ST8SIA6: variants seen among roughly 807,000 people sequenced by gnomAD.
The protein encoded by ST8SIA6 is alpha-2,8-sialyltransferase 8F.
In ST8SIA6, 39 loss-of-function variants were observed where a neutral mutation model predicts 33.6. That is an observed-to-expected ratio of 1.16 (90% CI 0.90 to 1.52). The LOEUF (loss-of-function observed/expected upper bound fraction) is 1.52, where lower values mean the gene tolerates loss of function less well. ST8SIA6 is among the 40% of genes most tolerant of loss of function. ST8SIA6 has a pLI of 0.00. For missense variants in ST8SIA6, 441 were observed against 443.8 expected, an observed-to-expected ratio of 0.99 and a Z score of 0.06; for synonymous variants, 172 against 167.2, an observed-to-expected ratio of 1.03 and a Z score of -0.22.
rs1847790258 is a variant in ST8SIA6 at position 17,316,777 on chromosome 10, T to G, written c.*4101A>C. 6.6e-6 allele frequency among the ~76,000 whole-genome samples: 1 copy of G among 152,162 alleles called. No individual in the cohort carries two copies. Among genetic ancestry groups the G allele is most frequent in the East Asian group, 1.9e-4 (1 of 5,202 alleles). ...TTCCCCTTTGTAAATCACATTCTTA[T>G]CTTTTGTTCATTTTTATATTGAGTT... is the stretch of plus-strand genomic sequence containing the variant. On this transcript the variant is annotated 3_prime_UTR_variant, in exon 8 of 8. Transcript: ENST00000377602.
rs974674811 is a variant in ST8SIA6 at position 17,454,231 on chromosome 10, C to A, written c.25G>T (p.Ala9Ser). The part of the protein sequence containing the change: MRPGGALL[A>S]LLASLLLLLL... ...AGCAGCAGCAGGCTGGCGAGCAGGG[C>A]GAGCAGTGCGCCCCCCGGCCGCATC... is the stretch of plus-strand genomic sequence containing the variant. Residue 9 changes from alanine (A) to serine (S), a missense_variant, in exon 1 of 8, where the codon GCC (alanine) becomes TCC (serine). Transcript: ENST00000377602. The surrounding 1 kb of genome is among the most constrained non-coding windows in gnomAD (Gnocchi z 4.1). 7.8e-6 allele frequency: 2 copies of A among 257,090 alleles called. No individual in the cohort carries two copies. The highest frequency in any genetic ancestry group is 8.0e-5 in the East Asian group (1 of 12,506). The allele number at this position is 257,090 out of a possible 1,614,324, so 15.9% of individuals were successfully genotyped here. A position where few individuals can be genotyped will look rare whatever the true frequency, so the allele number is the denominator to read the frequency against.
chr10:17,404,842 C>G (rs1475776201), intron 2 of ST8SIA6, among the ~76,000 whole-genome samples: 2 of 152,210 alleles, frequency 1.3e-5, no homozygotes, highest in Non-Finnish European at 2.9e-5. Flanking sequence ...TTCTGCCATA[C>G]TGTTTTAACG....
At chr10:17,369,190 A>G (rs1849655750) in intron 3 of ST8SIA6, among the ~76,000 whole-genome samples, 1 of 152,196 alleles carries the variant, frequency 6.6e-6, no homozygotes, top group Admixed American at 6.5e-5. Context: ...AGTCAATTTT[A>G]CAACATTTTA....
chr10:17,380,133 G>C (rs1350986281), intron 3 of ST8SIA6, among the ~76,000 whole-genome samples: 3 of 152,158 alleles, frequency 2.0e-5, no homozygotes, highest in Non-Finnish European at 2.9e-5. Flanking sequence ...AAGTTTTCCT[G>C]CTTCCATGTC....
At chr10:17,432,356 G>A (rs772084885) in intron 2 of ST8SIA6, among the ~76,000 whole-genome samples, 4 of 152,122 alleles carry the variant, frequency 2.6e-5, no homozygotes, top group Admixed American at 6.6e-5. Context: ...TTCTGGAAGG[G>A]GACACTAGTT....
At chr10:17,411,934 C>G (rs972899830) in intron 2 of ST8SIA6, among the ~76,000 whole-genome samples, 29 of 143,358 alleles carry the variant, frequency 2.0e-4, no homozygotes, top group African/African-American at 6.5e-4. Context: ...TTTTTTTTTT[C>G]TGCCCTCACT....
At position 17,437,660 on chromosome 10, in the gene ST8SIA6, TC is replaced by T. The variant is rs1852321965; in HGVS notation, c.200+15898del. ...TTCCTTCCTTCCTTCCTTCCTTCCT[TC>T]CTTCTGTCTCTCTTTCTCTTTCTCT... On this transcript the variant is annotated intron_variant, in intron 2 of 7. Coordinates refer to ENST00000377602, the MANE Select transcript of ST8SIA6 (RefSeq NM_001004470.3). Among the ~76,000 whole-genome samples the T allele has an allele frequency of 2.7e-5, 3 of 111,860 alleles. No individual in the cohort carries two copies. In the South Asian group the frequency reaches 8.4e-4, roughly 31 times the overall value. The allele number at this position is 111,860 out of a possible 152,430, so 73.4% of individuals were successfully genotyped here.
chr10:17,333,696 TATATATATA>T (rs1848385987), intron 4 of ST8SIA6, among the ~76,000 whole-genome samples: 1 of 24,758 alleles, frequency 4.0e-5, no homozygotes, highest in African/African-American at 1.8e-4. Context: ...TATATATATA[TATATATATA>T]TATATATATA....
intron 2 of ST8SIA6, among the ~76,000 whole-genome samples, chr10:17,393,720 G>T (rs900799059): frequency 6.6e-6 from 1 of 152,168 alleles, no homozygotes; most frequent in African/African-American, 2.4e-5. Context: ...CTAGGAGATT[G>T]GATGTGGGAA....
At chr10:17,417,059 A>G (rs1477653162) in intron 2 of ST8SIA6, among the ~76,000 whole-genome samples, 1 of 152,208 alleles carries the variant, frequency 6.6e-6, no homozygotes, top group African/African-American at 2.4e-5. Context: ...TACACAAAGC[A>G]TCGTGCCAGC....
At chr10:17,394,154 A>G (rs181019336) in intron 2 of ST8SIA6, among the ~76,000 whole-genome samples, 5 of 152,246 alleles carry the variant, frequency 3.3e-5, no homozygotes, top group African/African-American at 4.8e-5. Flanking sequence ...ATCTTTTTAA[A>G]TAAAAACTCA....
intron 2 of ST8SIA6, among the ~76,000 whole-genome samples, chr10:17,438,177 T>C (rs1035770068): frequency 1.3e-5 from 2 of 152,384 alleles, no homozygotes; most frequent in East Asian, 1.9e-4. Flanking sequence ...TGAGATCTCC[T>C]GTTTAGAAAG....
At chr10:17,372,639 T>C (rs1383880470) in intron 3 of ST8SIA6, among the ~76,000 whole-genome samples, 1 of 152,228 alleles carries the variant, frequency 6.6e-6, no homozygotes, top group African/African-American at 2.4e-5. Flanking sequence ...CTATTGATTA[T>C]TACAGTAATA....
At chr10:17,403,991 G>T (rs1305489666) in intron 2 of ST8SIA6, among the ~76,000 whole-genome samples, 3 of 151,230 alleles carry the variant, frequency 2.0e-5, no homozygotes, top group Non-Finnish European at 4.4e-5. Context: ...CTTGAACCCG[G>T]GAGGCAGAGG....
chr10:17,334,778 A>G (rs1383826513), intron 4 of ST8SIA6, among the ~76,000 whole-genome samples: 1 of 152,110 alleles, frequency 6.6e-6, no homozygotes, highest in African/African-American at 2.4e-5. Flanking sequence ...CATGGAGTGA[A>G]ACATTATTAT....
intron 4 of ST8SIA6, among the ~76,000 whole-genome samples, chr10:17,338,028 ATTC>A (rs1377876081): frequency 8.4e-5 from 8 of 94,980 alleles, no homozygotes; most frequent in Non-Finnish European, 2.0e-5. Context: ...AGAAAATACT[ATTC>A]TTTTTTTTTT....
At chr10:17,405,894 A>G (rs1851239660) in intron 2 of ST8SIA6, among the ~76,000 whole-genome samples, 2 of 151,910 alleles carry the variant, frequency 1.3e-5, no homozygotes, top group Admixed American at 1.3e-4. Flanking sequence ...CAAAAAAAAA[A>G]AAAAAAAAGA....
rs1848162547 is a variant in ST8SIA6, at chr10:17,327,269, T to A, written c.523-143A>T. ...AAAAAGCAGCAGCCCAGTTTGCTAATCAACTTACTATGACTTAGCATAAAG... is the reference window on the plus strand; with the variant it reads ...AAAAAGCAGCAGCCCAGTTTGCTAAACAACTTACTATGACTTAGCATAAAG... On this transcript the variant is annotated intron_variant, in intron 5 of 7. Transcript: ENST00000377602. 5.1e-6 allele frequency: 3 copies of A among 584,446 alleles called. No homozygotes were observed. In the South Asian group the frequency reaches 6.9e-5, roughly 13 times the overall value. The allele number at this position is 584,446 out of a possible 1,614,324, so 36.2% of individuals were successfully genotyped here.
chr10:17,317,291 A>G lies in ST8SIA6; in HGVS notation c.*3587T>C, dbSNP rs1847805520. On this transcript the variant is annotated 3_prime_UTR_variant, in exon 8 of 8. Transcript: ENST00000377602. ...GAAGAATGCTTCTGGAAGAGTGATG[A>G]CCCAAAATAAGAAAGACCATGAGAA... 6.6e-6 allele frequency among the ~76,000 whole-genome samples: 1 copy of G among 152,106 alleles called. No homozygotes were observed. Among genetic ancestry groups the G allele is most frequent in the East Asian group, 1.9e-4 (1 of 5,182 alleles).
Sources: gnomAD v4.1 joint callset for allele counts (sites outside exome capture counted in the v4.1 genomes callset) on GRCh38, gnomAD v4.1.1 for gene constraint, Gnocchi (gnomAD v3.1) non-coding constraint, MANE v1.5 for transcripts, NCBI Gene and HGNC (gene_info 2026-07-23, HGNC 2026-07-21) for gene names.